ST6GALNAC3: variants seen among roughly 807,000 people sequenced by gnomAD.
ST6GALNAC3 encodes ST6 N-acetylgalactosaminide alpha-2,6-sialyltransferase 3, also known as alpha-N-acetylgalactosaminide alpha-2,6-sialyltransferase 3.
In ST6GALNAC3, 25 loss-of-function variants were observed where a neutral mutation model predicts 32.7. The observed-to-expected ratio is 0.76, with a 90% confidence interval of 0.56 to 1.07. The LOEUF is 1.07. Ranked by LOEUF, ST6GALNAC3 falls within the 50% of genes least tolerant of loss-of-function variation. The pLI, the probability that ST6GALNAC3 is intolerant of heterozygous loss-of-function variation, is 0.00. For synonymous variants in ST6GALNAC3, 129 were observed against 133.1 expected (o/e 0.97, Z 0.21); for missense variants, 355 against 382.4 (o/e 0.93, Z 0.60).
intron 1 of ST6GALNAC3, among the ~76,000 whole-genome samples, chr1:76,128,705 A>G (rs530404692): frequency 1.3e-5 from 2 of 152,308 alleles, no homozygotes; most frequent in African/African-American, 2.4e-5. Context: ...GCATGGTCCT[A>G]GAATGAGTCT....
chr1:76,576,490 A>T (rs891077389), intron 3 of ST6GALNAC3, among the ~76,000 whole-genome samples: 1 of 152,050 alleles, frequency 6.6e-6, no homozygotes, highest in African/African-American at 2.4e-5. Context: ...AGACCAAGGA[A>T]TCTTGGCAGT....
intron 2 of ST6GALNAC3, among the ~76,000 whole-genome samples, chr1:76,366,940 A>G (rs1386796136): frequency 2.9e-4 from 44 of 152,232 alleles, no homozygotes. Flanking sequence ...AAATTCTGAC[A>G]TAAGGAAGTG....
At chr1:76,294,959 C>A (rs558536709) in intron 1 of ST6GALNAC3, among the ~76,000 whole-genome samples, 1 of 152,196 alleles carries the variant, frequency 6.6e-6, no homozygotes, top group African/African-American at 2.4e-5. Flanking sequence ...TTGTTAACAG[C>A]TGAGCAGGGT....
chr1:76,485,116 C>T (rs1394223637), intron 3 of ST6GALNAC3, among the ~76,000 whole-genome samples: 3 of 152,090 alleles, frequency 2.0e-5, no homozygotes, highest in Non-Finnish European at 2.9e-5. Context: ...CTGCTGGATT[C>T]GGTTTGCCAG....
At chr1:76,372,153 T>G (rs1650873803) in intron 2 of ST6GALNAC3, among the ~76,000 whole-genome samples, 1 of 152,130 alleles carries the variant, frequency 6.6e-6, no homozygotes. Flanking sequence ...TAAGTGTACT[T>G]TGGCACCAGG....
chr1:76,161,066 C>T (rs79798181), intron 1 of ST6GALNAC3, among the ~76,000 whole-genome samples: 2 of 152,164 alleles, frequency 1.3e-5, no homozygotes, highest in Non-Finnish European at 2.9e-5. Context: ...ATTGATAACT[C>T]TTTCTGTAGA....
rs1051726685 is a variant in ST6GALNAC3, at chr1:76,585,457, G to A, written c.624-41995G>A. ...GGCTGAGGGTGGAGAAACATGTTAG[G>A]CATAAGAGGAAGAACAACACCTTGC... On this transcript the variant is annotated intron_variant, in intron 3 of 4. Transcript: ENST00000328299. 1.3e-4 allele frequency among the ~76,000 whole-genome samples: 19 copies of A among 151,928 alleles called. 1 individual carries two copies. Among genetic ancestry groups the A allele is most frequent in the Admixed American group, 1.2e-3 (19 of 15,250 alleles).
In ST6GALNAC3 at chr1:76,632,840, A is replaced by C. The variant is rs769144674; in HGVS notation, c.*4034A>C. 1 of 151,396 alleles carries C rather than the reference A, an allele frequency of 6.6e-6. No homozygotes were observed. The highest frequency in any genetic ancestry group is 1.5e-5 in the Non-Finnish European group (1 of 67,710). The allele number at this position is 151,396 out of a possible 1,614,324, so 9.4% of individuals were successfully genotyped here. On this transcript the variant is annotated 3_prime_UTR_variant, in exon 5 of 5. Transcript: ENST00000328299. ...ATGTGCCCATCTAGCCTTTAATGTGACATGTCAAATGCAAATAATAAATTA... is the reference window on the plus strand; with the variant it reads ...ATGTGCCCATCTAGCCTTTAATGTGCCATGTCAAATGCAAATAATAAATTA...
chr1:76,131,552 C>T (rs770062100), intron 1 of ST6GALNAC3, among the ~76,000 whole-genome samples: 7 of 152,178 alleles, frequency 4.6e-5, no homozygotes, highest in Non-Finnish European at 7.4e-5. Context: ...CTCAGAAAAA[C>T]GGGATGATCG....
intron 1 of ST6GALNAC3, among the ~76,000 whole-genome samples, chr1:76,224,755 G>T (rs557587383): frequency 8.7e-4 from 133 of 152,272 alleles, no homozygotes; most frequent in Non-Finnish European, 1.4e-3. Context: ...CTGATAAAAA[G>T]TTCTCCATGG....
At chr1:76,314,068 A>G in intron 2 of ST6GALNAC3, 69 bp downstream of exon 2, 3 of 1,477,690 alleles carry the variant, frequency 2.0e-6, no homozygotes, top group Non-Finnish European at 2.7e-6. Flanking sequence ...TAGGAGCCAG[A>G]GGGCTTCCAA....
chr1:76,599,892 G>GTGCTGTGTT (rs1183744344), intron 3 of ST6GALNAC3, among the ~76,000 whole-genome samples: 2 of 151,962 alleles, frequency 1.3e-5, no homozygotes, highest in African/African-American at 4.8e-5. Flanking sequence ...TATATCCTAT[G>GTGCTGTGTT]TGCTGTGTTT....
intron 3 of ST6GALNAC3, among the ~76,000 whole-genome samples, chr1:76,576,173 T>G (rs942422210): frequency 3.9e-5 from 6 of 151,962 alleles, no homozygotes; most frequent in Admixed American, 3.9e-4. Flanking sequence ...CTAGAAACTC[T>G]CAGATACAGA....
intron 1 of ST6GALNAC3, among the ~76,000 whole-genome samples, chr1:76,174,647 CTT>C (rs1652733442): frequency 6.9e-6 from 1 of 145,968 alleles, no homozygotes; most frequent in African/African-American, 2.5e-5. Flanking sequence ...TATTTCTTCT[CTT>C]TTCTTTTTCT....
intron 1 of ST6GALNAC3, among the ~76,000 whole-genome samples, chr1:76,306,290 A>G (rs1661047067): frequency 6.6e-6 from 1 of 152,044 alleles, no homozygotes; most frequent in African/African-American, 2.4e-5. Flanking sequence ...AGTCAATTGT[A>G]TAGACTCTTA....
chr1:76,138,960 C>G (rs768403097), intron 1 of ST6GALNAC3, among the ~76,000 whole-genome samples: 1 of 151,994 alleles, frequency 6.6e-6, no homozygotes, highest in Admixed American at 6.6e-5. Flanking sequence ...TTTGGGAGGC[C>G]GAGGCGGGCG....
intron 3 of ST6GALNAC3, among the ~76,000 whole-genome samples, chr1:76,506,969 ATGCAGT>A (rs1269242024): frequency 6.6e-6 from 1 of 152,258 alleles, no homozygotes; most frequent in African/African-American, 2.4e-5. Context: ...GAAAAGTGAC[ATGCAGT>A]TGAGCTCTGG....
At chr1:76,139,697 A>G (rs1650197321) in intron 1 of ST6GALNAC3, among the ~76,000 whole-genome samples, 1 of 152,230 alleles carries the variant, frequency 6.6e-6, no homozygotes. Context: ...GGCTCAGAGC[A>G]GATTAGCGAA....
chr1:76,355,216 A>G (rs1649338541), intron 2 of ST6GALNAC3, among the ~76,000 whole-genome samples: 1 of 152,184 alleles, frequency 6.6e-6, no homozygotes, highest in Non-Finnish European at 1.5e-5. Flanking sequence ...CTTATTACTA[A>G]GCAGCTTTGG....
Sources: allele counts gnomAD v4.1 joint callset (sites outside exome capture counted in the v4.1 genomes callset), GRCh38; gene constraint gnomAD v4.1.1; transcripts MANE v1.5; gene names NCBI Gene and HGNC (gene_info 2026-07-23, HGNC 2026-07-21).